The following PRIM2 variants were observed in gnomAD, a reference collection of about 807,000 sequenced individuals.
The protein encoded by PRIM2 is DNA primase large subunit.
A neutral mutation model predicts 67.3 loss-of-function variants in PRIM2; 39 were observed. The ratio of observed to expected loss-of-function variants is 0.58; its 90% CI spans 0.45 to 0.76. The LOEUF (loss-of-function observed/expected upper bound fraction) is 0.76, where lower values mean the gene tolerates loss of function less well. Ranked by LOEUF, PRIM2 falls within the 30% of genes least tolerant of loss-of-function variation. The pLI, the probability that PRIM2 is intolerant of heterozygous loss-of-function variation, is 0.00. For synonymous variants in PRIM2, 143 were observed against 198.7 expected (o/e 0.72, Z 2.36); for missense variants, 398 against 598.7 (o/e 0.66, Z 3.50).
At chr6:57,433,511 G>A (rs1288307067) in intron 7 of PRIM2, among the ~76,000 whole-genome samples, 2 of 151,432 alleles carry the variant, frequency 1.3e-5, no homozygotes, top group Non-Finnish European at 2.9e-5. Flanking sequence ...CTGAAAGGAA[G>A]CAGAGCACAT....
chr6:57,480,774 G>T (rs1773603974), intron 7 of PRIM2, among the ~76,000 whole-genome samples: 1 of 152,006 alleles, frequency 6.6e-6, no homozygotes, highest in Admixed American at 6.6e-5. Flanking sequence ...TACTACAGAC[G>T]CATGTCACCA....
intron 7 of PRIM2, among the ~76,000 whole-genome samples, chr6:57,448,135 T>C (rs1581913955): frequency 6.6e-6 from 1 of 152,246 alleles, no homozygotes; most frequent in Non-Finnish European, 1.5e-5. Flanking sequence ...TCTTTATTTA[T>C]TAAGACAATG....
chr6:57,471,751 G>A (rs1460448761), intron 7 of PRIM2, among the ~76,000 whole-genome samples: 2 of 152,130 alleles, frequency 1.3e-5, no homozygotes, highest in Non-Finnish European at 2.9e-5. Flanking sequence ...ACAGAATTAA[G>A]TGAATCATCA....
the PRIM2 span, among the ~76,000 whole-genome samples, chr6:57,239,007 T>C: frequency 1.3e-5 from 2 of 152,154 alleles, no homozygotes; most frequent in African/African-American, 4.8e-5. Context: ...TTTTTTTATT[T>C]TGAGACAAGG....
At chr6:57,254,366 A>G in the PRIM2 span, among the ~76,000 whole-genome samples, 3 of 152,208 alleles carry the variant, frequency 2.0e-5, no homozygotes, top group Non-Finnish European at 4.4e-5. Context: ...CAACTTCTCT[A>G]TAACCCTAAC....
At chr6:57,341,543 A>C (rs1768491022) in intron 5 of PRIM2, among the ~76,000 whole-genome samples, 1 of 152,118 alleles carries the variant, frequency 6.6e-6, no homozygotes, top group African/African-American at 2.4e-5. Context: ...GGTGCTGTTG[A>C]TTAGCTTGTC....
At chr6:57,421,920 AAT>A (rs1220386385) in intron 7 of PRIM2, among the ~76,000 whole-genome samples, 1 of 152,148 alleles carries the variant, frequency 6.6e-6, no homozygotes, top group African/African-American at 2.4e-5. Context: ...AATCATCTAG[AAT>A]AGATGTAAGA....
chr6:57,437,845 G>A (rs1300267826), intron 7 of PRIM2, among the ~76,000 whole-genome samples: 1 of 151,840 alleles, frequency 6.6e-6, no homozygotes, highest in Admixed American at 6.6e-5. Context: ...TTGTATATCT[G>A]GTAGGGATGG....
intron 7 of PRIM2, among the ~76,000 whole-genome samples, chr6:57,502,076 T>A (rs1774143252): frequency 6.6e-6 from 1 of 152,220 alleles, no homozygotes; most frequent in Non-Finnish European, 1.5e-5. Flanking sequence ...AGGAAGGAAC[T>A]ATGTCATGGT....
chr6:57,547,770 T>G (rs1467197071), intron 10 of PRIM2, among the ~76,000 whole-genome samples: 2 of 152,210 alleles, frequency 1.3e-5, no homozygotes, highest in Non-Finnish European at 2.9e-5. Flanking sequence ...GTTGTTATAA[T>G]TGGGTCAAGG....
chr6:57,444,294 C>T (rs752434668), intron 7 of PRIM2, among the ~76,000 whole-genome samples: 13 of 151,974 alleles, frequency 8.6e-5, no homozygotes, highest in African/African-American at 1.2e-4. Flanking sequence ...ATAGGCTGGG[C>T]GCGGTAGCTC....
At chr6:57,635,515 T>TCA (rs1777103518) in intron 13 of PRIM2, among the ~76,000 whole-genome samples, 5 of 152,294 alleles carry the variant, frequency 3.3e-5, no homozygotes, top group Admixed American at 3.3e-4. Context: ...TGTAGATTCA[T>TCA]CACAGAATTT....
chr6:57,573,339 G>T (rs1283125229), intron 10 of PRIM2, among the ~76,000 whole-genome samples: 1 of 152,152 alleles, frequency 6.6e-6, no homozygotes, highest in Admixed American at 6.5e-5. Flanking sequence ...TACATGTGAA[G>T]TGGCTAGTGG....
At chr6:57,277,244 A>G in the PRIM2 span, among the ~76,000 whole-genome samples, 3 of 152,148 alleles carry the variant, frequency 2.0e-5, no homozygotes, top group Admixed American at 2.0e-4. Context: ...CCTTCAATGT[A>G]TATTTATGTG....
intron 8 of PRIM2, among the ~76,000 whole-genome samples, chr6:57,508,137 A>C (rs1314650138): frequency 2.0e-5 from 3 of 152,062 alleles, no homozygotes; most frequent in Non-Finnish European, 2.9e-5. Context: ...GGGTTTCGCC[A>C]TATTGGCCAG....
At chr6:57,287,537 A>G in the PRIM2 span, among the ~76,000 whole-genome samples, 19 of 152,074 alleles carry the variant, frequency 1.2e-4, no homozygotes, top group Non-Finnish European at 2.4e-4. Context: ...CATGTTCTCA[A>G]TCATAAGTGG....
chr6:57,479,286 C>T (rs1257816772), intron 7 of PRIM2, among the ~76,000 whole-genome samples: 2 of 152,054 alleles, frequency 1.3e-5, no homozygotes, highest in Admixed American at 1.3e-4. Flanking sequence ...AACTGACTTT[C>T]TTATATAGTA....
At chr6:57,346,851 T>C (rs893900057) in intron 5 of PRIM2, among the ~76,000 whole-genome samples, 3 of 152,170 alleles carry the variant, frequency 2.0e-5, no homozygotes, top group Non-Finnish European at 2.9e-5. Flanking sequence ...TGGCTTAATC[T>C]GAGTTACAAA....
chr6:57,319,872 A>G (rs1767591693), intron 2 of PRIM2, among the ~76,000 whole-genome samples: 1 of 151,894 alleles, frequency 6.6e-6, no homozygotes, highest in Non-Finnish European at 1.5e-5. Flanking sequence ...AGACAATTAG[A>G]AGTTCTTCAT....
Sources: allele counts gnomAD v4.1 joint callset (sites outside exome capture counted in the v4.1 genomes callset), GRCh38; gene constraint gnomAD v4.1.1; transcripts MANE v1.5; gene names NCBI Gene and HGNC (gene_info 2026-07-23, HGNC 2026-07-21).